Variants in ANO2 observed in about 807,000 individuals in gnomAD.
The protein encoded by ANO2 is anoctamin 2.
In ANO2, 101 loss-of-function variants were observed where a neutral mutation model predicts 124.2. The ratio of observed to expected loss-of-function variants is 0.81; its 90% CI spans 0.69 to 0.96. ANO2 has a LOEUF of 0.96. ANO2 is among the 40% of genes least tolerant of loss of function. The probability of loss-of-function intolerance (pLI) is 0.00; values close to 1 mark genes in which losing one functional copy is unlikely to be tolerated. For missense variants in ANO2, 1,293 were observed against 1,274.5 expected (o/e 1.01, Z -0.22); for synonymous variants, 486 against 482.5 (o/e 1.01, Z -0.09).
chr12:5,694,599 T>C (rs1250983851), intron 14 of ANO2, among the ~76,000 whole-genome samples: 2 of 152,106 alleles, frequency 1.3e-5, no homozygotes, highest in Non-Finnish European at 2.9e-5. Context: ...ATGTATAAAA[T>C]GAAGAGGGTA....
At chr12:5,746,831 T>C (rs1353843945) in intron 11 of ANO2, among the ~76,000 whole-genome samples, 2 of 152,202 alleles carry the variant, frequency 1.3e-5, no homozygotes, top group African/African-American at 4.8e-5. Context: ...GTAACCAATC[T>C]TTTTTCAATA....
At chr12:5,776,078 T>C (rs1172342067) in intron 10 of ANO2, among the ~76,000 whole-genome samples, 1 of 152,140 alleles carries the variant, frequency 6.6e-6, no homozygotes, top group Non-Finnish European at 1.5e-5. Flanking sequence ...AATCAGTCCT[T>C]CCTCAGACCA....
intron 10 of ANO2, among the ~76,000 whole-genome samples, chr12:5,778,142 C>T (rs1591605875): frequency 9.0e-6 from 1 of 110,714 alleles, no homozygotes; most frequent in Non-Finnish European, 1.9e-5. Flanking sequence ...TGAGTGTCTA[C>T]TCTAATAAGA....
intron 14 of ANO2, among the ~76,000 whole-genome samples, chr12:5,654,157 G>T (rs1300113737): frequency 6.6e-6 from 1 of 152,128 alleles, no homozygotes; most frequent in Non-Finnish European, 1.5e-5. Flanking sequence ...GGGTCATAGA[G>T]GACAAATAAT....
chr12:5,646,844 G>A (rs375836006), intron 15 of ANO2, among the ~76,000 whole-genome samples: 5 of 152,152 alleles, frequency 3.3e-5, no homozygotes, highest in African/African-American at 9.7e-5. Context: ...TTTCTGAGAC[G>A]AAAACACAAT....
chr12:5,628,695 C>T (rs752566812), intron 16 of ANO2, among the ~76,000 whole-genome samples: 177 of 152,128 alleles, frequency 1.2e-3, no homozygotes, highest in Non-Finnish European at 1.8e-3. Context: ...TGTGCGCGCG[C>T]GCACGCGTGC....
At chr12:5,837,778 C>T (rs1425266012) in intron 4 of ANO2, among the ~76,000 whole-genome samples, 1 of 151,628 alleles carries the variant, frequency 6.6e-6, no homozygotes, top group African/African-American at 2.4e-5. Context: ...CCAAAATTGA[C>T]ACCCTAACAT....
At chr12:5,886,412 G>T (rs7488901) in intron 3 of ANO2, among the ~76,000 whole-genome samples, 60,132 of 152,000 alleles carry the variant, frequency 0.4, 12,300 homozygotes, top group Middle Eastern at 0.56. Context: ...GTTTGCCTGG[G>T]GCTGAGGGGA....
chr12:5,673,099 T>C (rs181966210), intron 14 of ANO2, among the ~76,000 whole-genome samples: 5 of 152,320 alleles, frequency 3.3e-5, no homozygotes, highest in Non-Finnish European at 1.5e-5. Flanking sequence ...TGGATGTCAT[T>C]GTGAACATGG....
At chr12:5,801,048 A>G (rs1212799852) in intron 9 of ANO2, among the ~76,000 whole-genome samples, 4 of 152,182 alleles carry the variant, frequency 2.6e-5, no homozygotes, top group African/African-American at 9.7e-5. Context: ...AAGGGAAGAA[A>G]GGATTTCAAA....
intron 3 of ANO2, among the ~76,000 whole-genome samples, chr12:5,875,296 A>C (rs956572185): frequency 2.6e-5 from 4 of 152,254 alleles, no homozygotes; most frequent in Non-Finnish European, 5.9e-5. Flanking sequence ...AGATACTAAG[A>C]AGCACAGCAA....
chr12:5,786,167 C>T (rs866807853), intron 10 of ANO2, among the ~76,000 whole-genome samples: 1 of 152,070 alleles, frequency 6.6e-6, no homozygotes, highest in African/African-American at 2.4e-5. Context: ...TCAACTTGAC[C>T]CCCCTGTGAG....
Position 5,708,113 on chromosome 12 carries a change from T to C in ANO2, c.1545+24407A>G, listed in dbSNP as rs142903991. Among the ~76,000 whole-genome samples, 791 of 152,308 alleles carry C rather than the reference T, an allele frequency of 5.2e-3. 7 individuals carry two copies. Among genetic ancestry groups the C allele is most frequent in the African/African-American group, 0.017 (719 of 41,570 alleles). ...AAATAAAATCACTACCTACCAGTTGTTCAAACTAGACACCTACACGTGGTT... is the reference window on the plus strand; with the variant it reads ...AAATAAAATCACTACCTACCAGTTGCTCAAACTAGACACCTACACGTGGTT... On this transcript the variant is annotated intron_variant, in intron 14 of 24. Coordinates refer to ENST00000682330, the MANE Select transcript of ANO2 (RefSeq NM_001364791.2).
chr12:5,596,415 A>C (rs1019927266), intron 20 of ANO2, among the ~76,000 whole-genome samples: 1 of 152,262 alleles, frequency 6.6e-6, no homozygotes, highest in East Asian at 1.9e-4. Context: ...AGGGTCTAAG[A>C]AACAGCACCA....
At chr12:5,830,306 C>T (rs1027605105) in intron 6 of ANO2, 129 bp downstream of exon 6, 27 of 912,794 alleles carry the variant, frequency 3.0e-5, no homozygotes, top group Non-Finnish European at 4.2e-5. Context: ...GCATACTCTT[C>T]TCTGTTGCTA....
intron 3 of ANO2, among the ~76,000 whole-genome samples, chr12:5,877,294 C>A (rs1234535597): frequency 6.6e-6 from 1 of 152,108 alleles, no homozygotes; most frequent in African/African-American, 2.4e-5. Context: ...CTGCCAGTAG[C>A]CATAGGAAGC....
chr12:5,909,764 G>A (rs1009473213), intron 3 of ANO2, among the ~76,000 whole-genome samples: 5 of 152,204 alleles, frequency 3.3e-5, no homozygotes, highest in Admixed American at 6.5e-5. Context: ...GAGAGCAGGC[G>A]GTGGGCGTTC....
chr12:5,919,612 C>T (rs1283265905), intron 3 of ANO2, among the ~76,000 whole-genome samples: 1 of 152,132 alleles, frequency 6.6e-6, no homozygotes, highest in Non-Finnish European at 1.5e-5. Flanking sequence ...GATCAGCCCA[C>T]ACCCAAGATG....
rs761754966 is a variant in ANO2, at chr12:5,647,819, A to T, written c.1546-18T>A. On this transcript the variant is annotated intron_variant, in intron 14 of 24. Transcript: ENST00000682330. ...TCATCATCCTGGGGAGAAACGGGAG[A>T]GTAGAGACAATCAGGAGGCACAAAT... 1 of 1,590,670 alleles carries T rather than the reference A, an allele frequency of 6.3e-7. No individual in the cohort carries two copies. Among genetic ancestry groups the T allele is most frequent in the Admixed American group, 1.7e-5 (1 of 58,554 alleles).
Sources: gnomAD v4.1 joint callset for allele counts (sites outside exome capture counted in the v4.1 genomes callset) on GRCh38, gnomAD v4.1.1 for gene constraint, MANE v1.5 for transcripts, NCBI Gene and HGNC (gene_info 2026-07-23, HGNC 2026-07-21) for gene names.